The following SYNDIG1L variants were observed in gnomAD, a reference collection of about 807,000 sequenced individuals.
SYNDIG1L encodes synapse differentiation-inducing gene protein 1-like.
In SYNDIG1L, 13 loss-of-function variants were observed where a neutral mutation model predicts 20.1. That is an observed-to-expected ratio of 0.65 (90% CI 0.42 to 1.03). The LOEUF is 1.03. Among genes scored for constraint, SYNDIG1L ranks in the 50% least tolerant of loss-of-function variants. The pLI is 0.00. For missense variants in SYNDIG1L, 294 were observed against 305.1 expected (o/e 0.96, Z 0.27); for synonymous variants, 128 against 129.3 (o/e 0.99, Z 0.07).
At position 74,418,976 on chromosome 14, in the gene SYNDIG1L, T is replaced by C. The variant is rs1026900690; in HGVS notation, c.-58+6936A>G. The stretch of plus-strand genomic sequence containing the variant: ...GTCGTGAAGTATAATAAAATGTCTG[T>C]TGTTTTAAGCCACCAGGTTTTGGGG... On this transcript the variant is annotated intron_variant, in intron 1 of 3. Transcript: ENST00000331628. Among the ~76,000 whole-genome samples, 6 of 152,354 alleles carry C rather than the reference T, an allele frequency of 3.9e-5. No homozygotes were observed. The East Asian group carries it at 1.2e-3, about 29-fold the overall frequency.
chr14:74,409,611 C>T lies in SYNDIG1L; in HGVS notation c.134G>A (p.Gly45Asp), dbSNP rs1243065208. The T allele has an allele frequency of 1.1e-5, 17 of 1,509,612 alleles. No individual in the cohort carries two copies. The highest frequency in any genetic ancestry group is 1.1e-4 in the South Asian group (8 of 73,676). 93.5% of individuals were successfully genotyped at this position (1,509,612 alleles called of 1,614,324 possible). The change falls in exon 2 of 4, where the codon GGC (glycine) becomes GAC (aspartate). Residue 45 changes from glycine (G) to aspartate (D), a missense_variant. Coordinates refer to ENST00000331628, the MANE Select transcript of SYNDIG1L (RefSeq NM_001105579.2). ...CTGGTGGGCTCCGGCAGGCCCAGCG[C>T]CACCTAGGAGGTAGGAGTAGAGCTT... ...QEKLYSYLLG[G>D]AGPAGAHQLL...
At chr14:74,466,567 C>G in the SYNDIG1L span, among the ~76,000 whole-genome samples, 1 of 152,152 alleles carries the variant, frequency 6.6e-6, no homozygotes, top group Non-Finnish European at 1.5e-5. Flanking sequence ...GGGCCATCAC[C>G]ACTGCCTCCA....
At chr14:74,411,242 T>A (rs2086128490) in intron 1 of SYNDIG1L, among the ~76,000 whole-genome samples, 1 of 152,156 alleles carries the variant, frequency 6.6e-6, no homozygotes, top group Non-Finnish European at 1.5e-5. Flanking sequence ...TGGATGGTAA[T>A]AGGGATTACC....
the SYNDIG1L span, chr14:74,474,911 A>G: frequency 6.6e-6 from 1 of 152,226 alleles, no homozygotes; most frequent in East Asian, 1.9e-4. Context: ...TCATTAAACA[A>G]TTGCTGAGGT....
At chr14:74,446,742 G>T in the SYNDIG1L span, among the ~76,000 whole-genome samples, 6 of 151,670 alleles carry the variant, frequency 4.0e-5, no homozygotes, top group East Asian at 1.2e-3. Context: ...TCTGCCTACT[G>T]AGTAGCTGGG....
the SYNDIG1L span, among the ~76,000 whole-genome samples, chr14:74,436,245 A>G: frequency 1.4e-5 from 2 of 142,328 alleles, no homozygotes; most frequent in South Asian, 4.4e-4. Context: ...TTTTTTTTTT[A>G]AGAGATAGTG....
upstream of SYNDIG1L, among the ~76,000 whole-genome samples, chr14:74,427,662 G>T (rs2086276969): frequency 6.6e-6 from 1 of 152,128 alleles, no homozygotes; most frequent in Non-Finnish European, 1.5e-5. Flanking sequence ...GCAGTGAGAA[G>T]CCCCCTGAGG....
the SYNDIG1L span, among the ~76,000 whole-genome samples, chr14:74,476,756 C>T: frequency 6.6e-6 from 1 of 152,100 alleles, no homozygotes; most frequent in African/African-American, 2.4e-5. Context: ...GAACCAAACC[C>T]CTGGTTTGGA....
At chr14:74,412,832 T>C (rs538367364) in intron 1 of SYNDIG1L, among the ~76,000 whole-genome samples, 54 of 151,978 alleles carry the variant, frequency 3.6e-4, no homozygotes, top group Middle Eastern at 3.4e-3. Flanking sequence ...CCCCCAAAGG[T>C]CCTCCAGCCT....
At chr14:74,478,000 G>C in the SYNDIG1L span, among the ~76,000 whole-genome samples, 1 of 152,210 alleles carries the variant, frequency 6.6e-6, no homozygotes, top group African/African-American at 2.4e-5. Flanking sequence ...GTAGCCCCGC[G>C]ATGGCTGGCA....
chr14:74,434,230 T>A, the SYNDIG1L span, among the ~76,000 whole-genome samples: 1 of 152,208 alleles, frequency 6.6e-6, no homozygotes, highest in Non-Finnish European at 1.5e-5. Flanking sequence ...TACCTTAAAA[T>A]TATTTTAAAG....
chr14:74,464,053 A>G, the SYNDIG1L span, among the ~76,000 whole-genome samples: 3 of 152,144 alleles, frequency 2.0e-5, no homozygotes, highest in African/African-American at 7.2e-5. Context: ...ATGGGGTCTG[A>G]CCGTGGCAAC....
chr14:74,464,772 G>A, the SYNDIG1L span, among the ~76,000 whole-genome samples: 1 of 152,212 alleles, frequency 6.6e-6, no homozygotes, highest in Admixed American at 6.5e-5. Flanking sequence ...CAGATTCACA[G>A]GGTTGTCTTG....
chr14:74,457,514 G>A, the SYNDIG1L span, among the ~76,000 whole-genome samples: 6 of 151,772 alleles, frequency 4.0e-5, no homozygotes, highest in South Asian at 8.3e-4. Flanking sequence ...CAGAGATGCT[G>A]CCATCCATCA....
chr14:74,444,548 C>T, the SYNDIG1L span, among the ~76,000 whole-genome samples: 1 of 151,574 alleles, frequency 6.6e-6, no homozygotes, highest in Non-Finnish European at 1.5e-5. Flanking sequence ...CCCAGGAGTT[C>T]GAGATAAGCC....
chr14:74,426,474 C>T (rs2086267654), upstream of SYNDIG1L, among the ~76,000 whole-genome samples: 1 of 152,176 alleles, frequency 6.6e-6, no homozygotes, highest in Admixed American at 6.5e-5. Flanking sequence ...CCCGCGCACC[C>T]CAGAGCGATG....
chr14:74,433,602 C>T, the SYNDIG1L span, among the ~76,000 whole-genome samples: 1 of 152,134 alleles, frequency 6.6e-6, no homozygotes, highest in African/African-American at 2.4e-5. Flanking sequence ...CCAGGGTGGT[C>T]TTGAACTCCT....
At chr14:74,408,046 TG>T in intron 2 of SYNDIG1L, 57 bp from the exon 3 acceptor site, 1 of 1,527,962 alleles carries the variant, frequency 6.5e-7, no homozygotes, top group Non-Finnish European at 8.8e-7. Flanking sequence ...CCCATCAGGC[TG>T]GCAAGAGGTT....
At chr14:74,433,596 G>A in the SYNDIG1L span, among the ~76,000 whole-genome samples, 1 of 152,126 alleles carries the variant, frequency 6.6e-6, no homozygotes, top group South Asian at 2.1e-4. Context: ...TGTTGCCCAG[G>A]GTGGTCTTGA....
Sources: gnomAD v4.1 joint callset for allele counts (sites outside exome capture counted in the v4.1 genomes callset) on GRCh38, gnomAD v4.1.1 for gene constraint, MANE v1.5 for transcripts, NCBI Gene and HGNC (gene_info 2026-07-23, HGNC 2026-07-21) for gene names.